Variants in MINPP1 observed in about 807,000 individuals in gnomAD.
MINPP1 encodes multiple inositol polyphosphate phosphatase 1.
MINPP1 carries 28 observed loss-of-function variants against 46.1 expected under a neutral mutation model. The ratio of observed to expected loss-of-function variants is 0.61; its 90% CI spans 0.45 to 0.83. MINPP1 has a LOEUF of 0.83. Ranked by LOEUF, MINPP1 falls within the 40% of genes least tolerant of loss-of-function variation. The pLI, the probability that MINPP1 is intolerant of heterozygous loss-of-function variation, is 0.00. For missense variants in MINPP1, 603 were observed against 610.0 expected, an observed-to-expected ratio of 0.99 and a Z score of 0.12; for synonymous variants, 268 against 249.1, an observed-to-expected ratio of 1.08 and a Z score of -0.72.
At chr10:87,521,312 A>G (rs1198939716) in intron 4 of MINPP1, 143 bp downstream of exon 4, 3 of 634,356 alleles carry the variant, frequency 4.7e-6, no homozygotes, top group East Asian at 5.8e-5. Context: ...AAAGAATTCG[A>G]TAACATATAT....
chr10:87,504,903 G>C lies in MINPP1; in HGVS notation c.-13G>C. 1 of 1,608,660 alleles carries C rather than the reference G, an allele frequency of 6.2e-7. No homozygotes were observed. Among genetic ancestry groups the C allele is most frequent in the Non-Finnish European group, 8.5e-7 (1 of 1,178,864 alleles). Reference sequence around the variant, plus strand: ...TGCAGCTGGCTCGGCGCACTCCACTGACCGTCCCGACGATGCTACGCGCGC... The same window carrying C: ...TGCAGCTGGCTCGGCGCACTCCACTCACCGTCCCGACGATGCTACGCGCGC... On this transcript the variant is annotated 5_prime_UTR_variant, in exon 1 of 5. Transcript: ENST00000371996.
chr10:87,548,595 C>T (rs1851920748), intron 4 of MINPP1, among the ~76,000 whole-genome samples: 1 of 151,900 alleles, frequency 6.6e-6, no homozygotes, highest in Non-Finnish European at 1.5e-5. Context: ...AAATTGTGCT[C>T]TTTTTTAATA....
At chr10:87,540,920 T>C (rs1851807395) in intron 4 of MINPP1, among the ~76,000 whole-genome samples, 2 of 152,164 alleles carry the variant, frequency 1.3e-5, no homozygotes, top group African/African-American at 4.8e-5. Flanking sequence ...AAAAATTGGA[T>C]CATAAATAAA....
chr10:87,528,383 T>C (rs1411065239), intron 4 of MINPP1, among the ~76,000 whole-genome samples: 1 of 152,244 alleles, frequency 6.6e-6, no homozygotes, highest in Non-Finnish European at 1.5e-5. Flanking sequence ...GCTTTAAATG[T>C]GTCCCAGAGA....
At chr10:87,518,097 T>C (rs7922836) in intron 3 of MINPP1, among the ~76,000 whole-genome samples, 111,403 of 150,856 alleles carry the variant, frequency 0.74, 41,788 homozygotes, top group African/African-American at 0.88. Context: ...GCAGCTGGGA[T>C]TACAGGCACC....
chr10:87,519,456 G>A (rs1039236238), intron 3 of MINPP1, among the ~76,000 whole-genome samples: 34 of 152,200 alleles, frequency 2.2e-4, no homozygotes, highest in African/African-American at 7.2e-4. Context: ...CGTTCAAGGC[G>A]TTCATGTAAT....
chr10:87,537,919 A>G (rs1851760806), intron 4 of MINPP1, among the ~76,000 whole-genome samples: 2 of 151,860 alleles, frequency 1.3e-5, no homozygotes, highest in South Asian at 4.2e-4. Context: ...ACATGCATAT[A>G]CCACCATGCC....
chr10:87,507,902 G>A, intron 1 of MINPP1: 1 of 1,177,548 alleles, frequency 8.5e-7, no homozygotes, highest in Non-Finnish European at 1.1e-6. Context: ...GAGTTGGGAA[G>A]GTTAATTGAG....
intron 4 of MINPP1, among the ~76,000 whole-genome samples, chr10:87,521,560 A>C (rs1342548816): frequency 1.3e-5 from 2 of 152,164 alleles, no homozygotes; most frequent in Non-Finnish European, 2.9e-5. Context: ...TTTTCTTGGA[A>C]TCATACTGCT....
Position 87,537,521 on chromosome 10 carries a change from G to C in MINPP1, c.1068-14561G>C, listed in dbSNP as rs943881151. Reference sequence around the variant, plus strand: ...TATCTTTATTACTGTTTGTGTGTGTGTGTGTGTGTGTGTGTGTGTGTGTGT... The same window carrying C: ...TATCTTTATTACTGTTTGTGTGTGTCTGTGTGTGTGTGTGTGTGTGTGTGT... On this transcript the variant is annotated intron_variant, in intron 4 of 4. Coordinates refer to ENST00000371996, the MANE Select transcript of MINPP1 (RefSeq NM_004897.5). Among the ~76,000 whole-genome samples, 171 of 150,578 alleles carry C rather than the reference G, an allele frequency of 1.1e-3. 1 individual carries two copies. Among genetic ancestry groups the C allele is most frequent in the Middle Eastern group, 3.4e-3 (1 of 292 alleles).
chr10:87,518,019 G>A (rs1171793365), intron 3 of MINPP1, among the ~76,000 whole-genome samples: 10 of 146,838 alleles, frequency 6.8e-5, no homozygotes, highest in Non-Finnish European at 1.5e-4. Flanking sequence ...GAGTACAGAG[G>A]CGTGATCTCG....
chr10:87,531,816 A>G (rs1851664296), intron 4 of MINPP1, among the ~76,000 whole-genome samples: 1 of 152,198 alleles, frequency 6.6e-6, no homozygotes, highest in South Asian at 2.1e-4. Context: ...AATGAATTTC[A>G]TGTCTAGACT....
chr10:87,517,765 G>C (rs1017420186), intron 3 of MINPP1, among the ~76,000 whole-genome samples: 1 of 152,084 alleles, frequency 6.6e-6, no homozygotes, highest in African/African-American at 2.4e-5. Context: ...TAGAATTATC[G>C]ATTCTCATGC....
At chr10:87,547,072 A>G (rs928448225) in intron 4 of MINPP1, among the ~76,000 whole-genome samples, 28 of 152,188 alleles carry the variant, frequency 1.8e-4, no homozygotes, top group African/African-American at 6.5e-4. Flanking sequence ...TTGAAATACT[A>G]TGTTTCTTCC....
intron 1 of MINPP1, among the ~76,000 whole-genome samples, chr10:87,506,005 A>G (rs1851243391): frequency 6.7e-6 from 1 of 148,184 alleles, no homozygotes; most frequent in South Asian, 2.1e-4. Flanking sequence ...TTCCGATACT[A>G]GTTTTTCCTT....
At chr10:87,551,292 A>C (rs941998211) in intron 4 of MINPP1, among the ~76,000 whole-genome samples, 3 of 151,936 alleles carry the variant, frequency 2.0e-5, no homozygotes, top group Admixed American at 2.0e-4. Context: ...GGTGGCAAAA[A>C]GTCAGACAGT....
intron 4 of MINPP1, among the ~76,000 whole-genome samples, chr10:87,529,890 G>A (rs946559378): frequency 7.2e-5 from 11 of 152,160 alleles, no homozygotes; most frequent in Admixed American, 7.2e-4. Flanking sequence ...TTTCTTGGAG[G>A]CTTTGTTCAT....
chr10:87,536,202 GA>G (rs1851733329), intron 4 of MINPP1, among the ~76,000 whole-genome samples: 1 of 151,792 alleles, frequency 6.6e-6, no homozygotes. Flanking sequence ...TGAATGCATT[GA>G]AATTGTCTCC....
At chr10:87,546,447 G>GTT (rs1416964505) in intron 4 of MINPP1, 9 of 152,270 alleles carry the variant, frequency 5.9e-5, no homozygotes, top group Admixed American at 5.9e-4. Flanking sequence ...ACCACATCCT[G>GTT]TTTTATCAGC....
Sources: gnomAD v4.1 joint callset for allele counts (sites outside exome capture counted in the v4.1 genomes callset) on GRCh38, gnomAD v4.1.1 for gene constraint, MANE v1.5 for transcripts, NCBI Gene and HGNC (gene_info 2026-07-23, HGNC 2026-07-21) for gene names.